The following HIVEP1 variants were observed in gnomAD, a reference collection of about 807,000 sequenced individuals.
HIVEP1 encodes HIVEP zinc finger 1, also known as zinc finger protein 40.
A neutral mutation model predicts 180.0 loss-of-function variants in HIVEP1; 36 were observed. That is an observed-to-expected ratio of 0.20 (90% confidence interval 0.15 to 0.26). HIVEP1 has a LOEUF of 0.26. HIVEP1 is among the 10% of genes least tolerant of loss of function. HIVEP1 has a pLI of 1.00. For missense variants in HIVEP1, 3,143 were observed against 3,268.7 expected, an observed-to-expected ratio of 0.96 and a Z score of 0.94; for synonymous variants, 1,239 against 1,239.0, an observed-to-expected ratio of 1.00 and a Z score of 0.00.
the HIVEP1 span, among the ~76,000 whole-genome samples, chr6:12,170,211 G>A: frequency 6.6e-6 from 1 of 152,142 alleles, no homozygotes; most frequent in Non-Finnish European, 1.5e-5. Context: ...AGAAGAGTAA[G>A]TAAGCAAGAT....
At chr6:12,108,507 C>A (rs912918336) in intron 3 of HIVEP1, among the ~76,000 whole-genome samples, 9 of 152,192 alleles carry the variant, frequency 5.9e-5, no homozygotes, top group Admixed American at 1.3e-4. Flanking sequence ...TCAGGCATGG[C>A]GGGCTGCAGG....
At chr6:12,011,988 C>A (rs1767357910), upstream of HIVEP1, 1 of 147,104 alleles carries the variant, frequency 6.8e-6, no homozygotes, top group Non-Finnish European at 1.5e-5. Context: ...CCCCGCGCCG[C>A]CCGGCCCGCG....
chr6:12,176,263 C>G, the HIVEP1 span, among the ~76,000 whole-genome samples: 1 of 134,632 alleles, frequency 7.4e-6, no homozygotes, highest in Non-Finnish European at 1.5e-5. Flanking sequence ...AACGAAGTCT[C>G]GCTCTTGTCC....
At chr6:12,099,920 A>G (rs957135287) in intron 3 of HIVEP1, among the ~76,000 whole-genome samples, 27 of 152,238 alleles carry the variant, frequency 1.8e-4, no homozygotes, top group African/African-American at 6.3e-4. Context: ...AGTGATGTAT[A>G]CAAATAGTTT....
intron 2 of HIVEP1, among the ~76,000 whole-genome samples, chr6:12,064,394 A>G (rs1388551384): frequency 6.6e-6 from 1 of 152,192 alleles, no homozygotes; most frequent in Non-Finnish European, 1.5e-5. Context: ...TAAGGTCATC[A>G]CAAGCAGAAC....
At chr6:12,105,985 C>T (rs180978504) in intron 3 of HIVEP1, among the ~76,000 whole-genome samples, 310 of 151,378 alleles carry the variant, frequency 2.0e-3, no homozygotes, top group African/African-American at 7.0e-3. Flanking sequence ...TTACTAAGTA[C>T]ATATATACAT....
At position 12,121,248 on chromosome 6, in the gene HIVEP1, A is replaced by G. The variant is rs757411103; in HGVS notation, c.1453A>G (p.Ile485Val). The G allele has an allele frequency of 1.9e-6, 3 of 1,614,168 alleles. No individual in the cohort carries two copies. Among genetic ancestry groups the G allele is most frequent in the Non-Finnish European group, 2.5e-6 (3 of 1,180,024 alleles). The change falls in exon 4 of 9, where the codon ATT (isoleucine) becomes GTT (valine). Residue 485 changes from isoleucine (I) to valine (V), a missense_variant. Around this residue, in one of 12 missense-constraint regions of HIVEP1, gnomAD observed 365 missense variants for 344.4 expected, o/e 1.06. Coordinates refer to ENST00000379388, the MANE Select transcript of HIVEP1 (RefSeq NM_002114.4). This position sits in a 1 kb window ranked among gnomAD's most constrained non-coding sequence, Gnocchi z 5.3. ...LSHESPKALS[I>V]HSDVEDSGES... ...CCACGAGTCCCCCAAAGCACTTAGT[A>G]TTCATTCAGACGTAGAAGACAGTGG... is the stretch of plus-strand genomic sequence containing the variant.
chr6:12,187,083 GAA>G, the HIVEP1 span, among the ~76,000 whole-genome samples: 7 of 152,120 alleles, frequency 4.6e-5, no homozygotes, highest in Non-Finnish European at 7.4e-5. Flanking sequence ...TAAATACAGA[GAA>G]GAGAGATTTC....
chr6:12,175,297 T>G, the HIVEP1 span, among the ~76,000 whole-genome samples: 4 of 152,202 alleles, frequency 2.6e-5, no homozygotes, highest in Non-Finnish European at 5.9e-5. Flanking sequence ...ATGGAAACAA[T>G]TTACCAGCTA....
intron 2 of HIVEP1, among the ~76,000 whole-genome samples, chr6:12,039,975 G>A (rs1769562946): frequency 6.6e-6 from 1 of 152,222 alleles, no homozygotes; most frequent in African/African-American, 2.4e-5. Flanking sequence ...CTCAACAGCA[G>A]TGGAGTCCCC....
At position 12,119,886 on chromosome 6, in the gene HIVEP1, C is replaced by T. The variant is rs763478997; in HGVS notation, c.95-4C>T. 6.5e-7 allele frequency: 1 copy of T among 1,533,602 alleles called. No homozygotes were observed. The highest frequency in any genetic ancestry group is 8.7e-7 in the Non-Finnish European group (1 of 1,144,730). 95.0% of individuals were successfully genotyped at this position (1,533,602 alleles called of 1,614,324 possible). On this transcript the variant is annotated splice_region_variant and splice_polypyrimidine_tract_variant and intron_variant, in intron 3 of 8. Transcript: ENST00000379388. ...TTGTTTGTTGTTGTTGTTGTTTTTT[C>T]CAGAAATCTTACAGGCTGGTGTTAA...
intron 2 of HIVEP1, among the ~76,000 whole-genome samples, chr6:12,081,625 G>T (rs1427959903): frequency 1.3e-5 from 2 of 151,882 alleles, no homozygotes; most frequent in Admixed American, 1.3e-4. Context: ...AAACCTTGCC[G>T]CTCCACACCT....
chr6:12,118,716 A>T (rs1775373503), intron 3 of HIVEP1, among the ~76,000 whole-genome samples: 1 of 152,162 alleles, frequency 6.6e-6, no homozygotes, highest in Admixed American at 6.5e-5. Context: ...TTACAACCTT[A>T]TGACTTTTTA....
downstream of HIVEP1, among the ~76,000 whole-genome samples, chr6:12,166,223 A>G (rs914563114): frequency 6.6e-6 from 1 of 152,228 alleles, no homozygotes; most frequent in African/African-American, 2.4e-5. Flanking sequence ...TTAAAGCAGT[A>G]TAATAAGCAT....
chr6:12,157,006 G>A (rs112427762), intron 7 of HIVEP1, among the ~76,000 whole-genome samples: 15 of 151,924 alleles, frequency 9.9e-5, no homozygotes, highest in East Asian at 1.9e-4. Flanking sequence ...GCTCTATTGC[G>A]TACACACTTA....
intron 2 of HIVEP1, among the ~76,000 whole-genome samples, chr6:12,057,484 A>G (rs997668934): frequency 1.3e-5 from 2 of 152,208 alleles, no homozygotes; most frequent in South Asian, 2.1e-4. Context: ...TATATGGTCT[A>G]GAGATGATCT....
intron 3 of HIVEP1, among the ~76,000 whole-genome samples, chr6:12,096,019 A>G (rs1476175582): frequency 6.6e-6 from 1 of 152,024 alleles, no homozygotes. Flanking sequence ...AGAAAGGTAG[A>G]GACTTTAGGT....
chr6:12,024,893 A>G (rs1768476347), intron 2 of HIVEP1, among the ~76,000 whole-genome samples: 1 of 152,204 alleles, frequency 6.6e-6, no homozygotes, highest in Non-Finnish European at 1.5e-5. Flanking sequence ...GAGGTCATTT[A>G]GTTCAGCCTC....
At chr6:12,184,014 TAGATAGATAGACAGACAGACAGAC>T in the HIVEP1 span, among the ~76,000 whole-genome samples, 3 of 139,648 alleles carry the variant, frequency 2.1e-5, no homozygotes, top group African/African-American at 8.3e-5. Context: ...GATAGATAGA[TAGATAGATAGACAGACAGACAGAC>T]AGACAGACAG....
Sources: allele counts gnomAD v4.1 joint callset (sites outside exome capture counted in the v4.1 genomes callset), GRCh38; gene constraint gnomAD v4.1.1; regional missense constraint gnomAD v4.1.1; non-coding constraint Gnocchi (gnomAD v3.1); transcripts MANE v1.5; gene names NCBI Gene and HGNC (gene_info 2026-07-23, HGNC 2026-07-21).